The following TOGARAM2 variants were observed in gnomAD, a reference collection of about 807,000 sequenced individuals.
TOGARAM2 encodes TOG array regulator of axonemal microtubules 2.
TOGARAM2 carries 85 observed loss-of-function variants against 93.3 expected under a neutral mutation model. The ratio of observed to expected loss-of-function variants is 0.91; its 90% CI spans 0.76 to 1.09. TOGARAM2 has a LOEUF of 1.09. Among genes scored for constraint, TOGARAM2 ranks in the 50% least tolerant of loss-of-function variants. The probability of loss-of-function intolerance (pLI) is 0.00; values close to 1 mark genes in which losing one functional copy is unlikely to be tolerated. For synonymous variants in TOGARAM2, 593 were observed against 552.8 expected (o/e 1.07, Z -1.02); for missense variants, 1,277 against 1,334.5 (o/e 0.96, Z 0.67).
At chr2:28,996,602 G>C (rs1296796373) in intron 2 of TOGARAM2, among the ~76,000 whole-genome samples, 4 of 151,882 alleles carry the variant, frequency 2.6e-5, no homozygotes, top group Admixed American at 1.3e-4. Flanking sequence ...CGGGCAGATT[G>C]CATGAGCTCA....
chr2:29,010,418 C>A (rs574038223), intron 6 of TOGARAM2, among the ~76,000 whole-genome samples: 1 of 152,062 alleles, frequency 6.6e-6, no homozygotes, highest in Non-Finnish European at 1.5e-5. Context: ...GGAGCAATGG[C>A]GAATCCCGGC....
chr2:29,004,136 C>G (rs575142006), intron 6 of TOGARAM2, among the ~76,000 whole-genome samples: 26 of 152,178 alleles, frequency 1.7e-4, no homozygotes, highest in Non-Finnish European at 2.8e-4. Flanking sequence ...GCACCCACCA[C>G]CATGCCCTGC....
intron 1 of TOGARAM2, among the ~76,000 whole-genome samples, chr2:28,963,588 GCTGGTCTTGAACTA>G (rs1671826196): frequency 6.6e-6 from 1 of 152,130 alleles, no homozygotes; most frequent in African/African-American, 2.4e-5. Context: ...ATTTGCCCAG[GCTGGTCTTGAACTA>G]CTGGCTTCAA....
chr2:29,052,163 C>A lies in TOGARAM2; in HGVS notation c.*70C>A. ...ATGGACTATTCTCCTGGTTACTTTC[C>A]CCCTTAGAGTTCCAGATGTACATGG... On this transcript the variant is annotated 3_prime_UTR_variant, in exon 20 of 20. Coordinates refer to ENST00000379558, the MANE Select transcript of TOGARAM2 (RefSeq NM_199280.4). 3.2e-6 allele frequency: 4 copies of A among 1,252,260 alleles called. No homozygotes were observed. The highest frequency in any genetic ancestry group is 4.3e-6 in the Non-Finnish European group (4 of 929,686). 77.6% of individuals were successfully genotyped at this position (1,252,260 alleles called of 1,614,324 possible).
rs548398496 is a variant in TOGARAM2 at position 28,990,155 on chromosome 2, C to T, written c.-110-4570C>T. ...GTTTCTTGTCCACAGGGAGACAGCA[C>T]GAGATACAGGAAGGCATGTTCTGTC... is the stretch of plus-strand genomic sequence containing the variant. On this transcript the variant is annotated intron_variant, in intron 1 of 19. Transcript: ENST00000379558. 3.4e-4 allele frequency among the ~76,000 whole-genome samples: 51 copies of T among 152,204 alleles called. 1 individual carries two copies. Among genetic ancestry groups the T allele is most frequent in the African/African-American group, 1.2e-3 (48 of 41,522 alleles).
intron 19 of TOGARAM2, chr2:29,050,768 T>C (rs767325942): frequency 6.6e-5 from 10 of 152,256 alleles, no homozygotes; most frequent in Non-Finnish European, 1.5e-4. Flanking sequence ...GCTTCGATAG[T>C]GCTAATGCGC....
chr2:28,973,999 T>C (rs918450866), intron 1 of TOGARAM2, among the ~76,000 whole-genome samples: 1 of 152,250 alleles, frequency 6.6e-6, no homozygotes, highest in Non-Finnish European at 1.5e-5. Context: ...TGGTTGTCCA[T>C]GCTTTCTGAT....
chr2:29,022,450 C>T, intron 11 of TOGARAM2, 142 bp downstream of exon 11: 1 of 1,113,148 alleles, frequency 9.0e-7, no homozygotes, highest in East Asian at 2.6e-5. Flanking sequence ...GGAGGGAGGA[C>T]TGTGCATGCA....
chr2:28,979,217 G>C (rs1335304655), upstream of TOGARAM2, among the ~76,000 whole-genome samples: 1 of 152,104 alleles, frequency 6.6e-6, no homozygotes, highest in Admixed American at 6.5e-5. Context: ...TCCTCGACTG[G>C]CCTGCTCCTT....
intron 18 of TOGARAM2, among the ~76,000 whole-genome samples, chr2:29,037,542 G>A (rs1666191340): frequency 6.6e-6 from 1 of 152,128 alleles, no homozygotes; most frequent in South Asian, 2.1e-4. Flanking sequence ...CCTTTAGAGA[G>A]GCTGGACACC....
At chr2:28,977,884 A>G (rs1363484598), upstream of TOGARAM2, among the ~76,000 whole-genome samples, 1 of 150,946 alleles carries the variant, frequency 6.6e-6, no homozygotes, top group Non-Finnish European at 1.5e-5. Context: ...TGGCCAAGGG[A>G]GATAGGTATA....
chr2:28,966,653 C>T (rs554967618), intron 1 of TOGARAM2, among the ~76,000 whole-genome samples: 1 of 152,286 alleles, frequency 6.6e-6, no homozygotes, highest in African/African-American at 2.4e-5. Flanking sequence ...AGTAGAAAAT[C>T]TTGAAATAAC....
Position 29,006,269 on chromosome 2 carries a change from GTATATGTGTGCA to G in TOGARAM2, c.830+2589_830+2600del, listed in dbSNP as rs568802074. 1.0e-4 allele frequency among the ~76,000 whole-genome samples: 15 copies of G among 148,090 alleles called. No homozygotes were observed. The South Asian group carries it at 3.3e-3, about 32-fold the overall frequency. On this transcript the variant is annotated intron_variant, in intron 6 of 19. Transcript: ENST00000379558. ...GAGTGTGTGTGCATGTGTGTGGAGT[GTATATGTGTGCA>G]TGTATGTGTGCATGTGTGTGTGTGA...
intron 10 of TOGARAM2, among the ~76,000 whole-genome samples, chr2:29,019,096 G>C (rs951994319): frequency 6.6e-6 from 1 of 151,294 alleles, no homozygotes; most frequent in Non-Finnish European, 1.5e-5. Context: ...GCTATTGAGA[G>C]ATATGGCAAA....
chr2:28,981,069 T>C (rs1672164507), upstream of TOGARAM2, among the ~76,000 whole-genome samples: 1 of 152,206 alleles, frequency 6.6e-6, no homozygotes, highest in African/African-American at 2.4e-5. Context: ...ACAACATCCC[T>C]GCACCAAGCC....
rs926583934 is a variant in TOGARAM2 at position 28,986,309 on chromosome 2, G to A, written c.-111+4771G>A. Among the ~76,000 whole-genome samples, 10 of 152,140 alleles carry A rather than the reference G, an allele frequency of 6.6e-5. No homozygotes were observed. In the South Asian group the frequency reaches 2.1e-3, roughly 32 times the overall value. On this transcript the variant is annotated intron_variant, in intron 1 of 19. Coordinates refer to ENST00000379558, the MANE Select transcript of TOGARAM2 (RefSeq NM_199280.4). ...TTTTAGACTGTTAATTCTCACATCA[G>A]AATTTCCTGGGGTTGTGGAGGGGGG... is the stretch of plus-strand genomic sequence containing the variant.
chr2:29,003,795 C>T, intron 6 of TOGARAM2, 113 bp downstream of exon 6: 2 of 1,045,764 alleles, frequency 1.9e-6, no homozygotes, highest in Non-Finnish European at 2.6e-6. Context: ...TCTTGGGACA[C>T]CAGGCAGGGA....
At chr2:29,006,023 AC>A (rs1321136980) in intron 6 of TOGARAM2, among the ~76,000 whole-genome samples, 1 of 93,228 alleles carries the variant, frequency 1.1e-5, no homozygotes, top group Non-Finnish European at 2.3e-5. Flanking sequence ...TGTGTGTGAG[AC>A]CATATGTATG....
chr2:28,972,366 G>C (rs999086697), intron 1 of TOGARAM2: 3 of 152,242 alleles, frequency 2.0e-5, no homozygotes, highest in African/African-American at 7.2e-5. Context: ...GCCTTTCAAA[G>C]TGCTGGGATT....
Sources: gnomAD v4.1 joint callset for allele counts (sites outside exome capture counted in the v4.1 genomes callset) on GRCh38, gnomAD v4.1.1 for gene constraint, MANE v1.5 for transcripts, NCBI Gene and HGNC (gene_info 2026-07-23, HGNC 2026-07-21) for gene names.